ITGB3BP: variants seen among roughly 807,000 people sequenced by gnomAD.
ITGB3BP encodes the protein integrin subunit beta 3 binding protein, also known as centromere protein R.
A neutral mutation model predicts 29.1 loss-of-function variants in ITGB3BP; 27 were observed. The observed-to-expected ratio is 0.93, with a 90% CI of 0.68 to 1.28. ITGB3BP has a LOEUF of 1.28. Ranked by LOEUF, ITGB3BP falls within the 50% of genes most tolerant of loss-of-function variation. ITGB3BP has a pLI of 0.00. For missense variants in ITGB3BP, 192 were observed against 200.2 expected (o/e 0.96, Z 0.25); for synonymous variants, 61 against 61.4 (o/e 0.99, Z 0.03).
At chr1:63,468,633 G>A (rs1026349924) in intron 4 of ITGB3BP, among the ~76,000 whole-genome samples, 8 of 151,182 alleles carry the variant, frequency 5.3e-5, no homozygotes, top group South Asian at 4.2e-4. Flanking sequence ...AGGCCGAGGC[G>A]GGCGGACCAC....
chr1:63,455,690 AC>A (rs1164378341), intron 4 of ITGB3BP, among the ~76,000 whole-genome samples: 1 of 152,156 alleles, frequency 6.6e-6, no homozygotes, highest in Non-Finnish European at 1.5e-5. Flanking sequence ...TATTTAGTAA[AC>A]ATACTAAAAA....
chr1:63,452,750 T>C (rs563760163), intron 7 of ITGB3BP, among the ~76,000 whole-genome samples: 1 of 152,250 alleles, frequency 6.6e-6, no homozygotes, highest in Admixed American at 6.5e-5. Context: ...TCAGGAAGCC[T>C]ATTCAGCTCC....
At chr1:63,528,216 G>A (rs1233023050), upstream of ITGB3BP, among the ~76,000 whole-genome samples, 2 of 152,092 alleles carry the variant, frequency 1.3e-5, no homozygotes, top group African/African-American at 2.4e-5. Flanking sequence ...AAAAAAAGTG[G>A]TACATATACA....
At chr1:63,463,710 T>G (rs1312198880) in intron 4 of ITGB3BP, among the ~76,000 whole-genome samples, 1 of 152,212 alleles carries the variant, frequency 6.6e-6, no homozygotes, top group Non-Finnish European at 1.5e-5. Flanking sequence ...ATATGGAAGT[T>G]CACATAAAAT....
At chr1:63,448,133 A>G (rs1300677210) in intron 7 of ITGB3BP, among the ~76,000 whole-genome samples, 1 of 138,418 alleles carries the variant, frequency 7.2e-6, no homozygotes, top group Admixed American at 7.7e-5. Context: ...GAACAATGAG[A>G]ACACATGGAC....
chr1:63,519,718 T>C (rs987196135), intron 1 of ITGB3BP, among the ~76,000 whole-genome samples: 1 of 152,056 alleles, frequency 6.6e-6, no homozygotes, highest in African/African-American at 2.4e-5. Context: ...CACCTACTTC[T>C]TTATAATCAA....
intron 2 of ITGB3BP, among the ~76,000 whole-genome samples, chr1:63,491,088 TG>T (rs138400196): frequency 0.043 from 6,523 of 152,250 alleles, 180 homozygotes; most frequent in South Asian, 0.091. Context: ...GATCTCAGCT[TG>T]GAACATCCTC....
chr1:63,507,685 T>G (rs1203513380), intron 2 of ITGB3BP, among the ~76,000 whole-genome samples: 1 of 152,198 alleles, frequency 6.6e-6, no homozygotes, highest in Non-Finnish European at 1.5e-5. Context: ...GTTTAAAAAT[T>G]TTTAAAAAGC....
rs542037963 is a variant in ITGB3BP at position 63,483,622 on chromosome 1, C to G, written c.185-4789G>C. ...GGGGGTTCATTATGTTGTTCCTTTT[C>G]AGTCATTCTGAGTTGAATGCTTGAC... On this transcript the variant is annotated intron_variant, in intron 3 of 8. Coordinates refer to ENST00000271002, the MANE Select transcript of ITGB3BP (RefSeq NM_014288.5). 9.2e-5 allele frequency among the ~76,000 whole-genome samples: 14 copies of G among 152,246 alleles called. No individual in the cohort carries two copies. In the South Asian group the frequency reaches 2.3e-3, roughly 25 times the overall value.
chr1:63,445,111 C>T (rs1027726992), intron 8 of ITGB3BP, among the ~76,000 whole-genome samples: 1 of 151,804 alleles, frequency 6.6e-6, no homozygotes, highest in African/African-American at 2.4e-5. Flanking sequence ...ATGGTGAAAC[C>T]CCATGTCTAA....
chr1:63,471,727 G>T (rs1363484136), intron 4 of ITGB3BP, among the ~76,000 whole-genome samples: 1 of 152,136 alleles, frequency 6.6e-6, no homozygotes, highest in Non-Finnish European at 1.5e-5. Flanking sequence ...CTAAATGAAG[G>T]TATCTGTTAA....
chr1:63,461,978 A>T (rs910008257), intron 4 of ITGB3BP, among the ~76,000 whole-genome samples: 1 of 152,228 alleles, frequency 6.6e-6, no homozygotes, highest in Non-Finnish European at 1.5e-5. Flanking sequence ...ATTTAAGGAC[A>T]GGTTTTTCCA....
intron 2 of ITGB3BP, among the ~76,000 whole-genome samples, chr1:63,503,951 C>T (rs1393049674): frequency 3.3e-5 from 5 of 150,232 alleles, no homozygotes; most frequent in Admixed American, 3.3e-4. Context: ...TAGCGTGATG[C>T]CTCTGGCTTT....
chr1:63,503,906 G>A (rs151313014), intron 2 of ITGB3BP, among the ~76,000 whole-genome samples: 2,078 of 150,794 alleles, frequency 0.014, 65 homozygotes, highest in African/African-American at 0.049. Flanking sequence ...TGCTGTTTTG[G>A]TTACTGTAGC....
rs201013712 is a variant in ITGB3BP, at chr1:63,490,138, T to A, written c.129A>T (p.Leu43=). ...SPTTGTCQMS[L]FASPTSSEEQ... Reference sequence around the variant, plus strand: ...CTTCAGAACTTGTGGGAGAAGCAAATAGACTCATTTGACAAGTTCCAGTTG... The same window carrying A: ...CTTCAGAACTTGTGGGAGAAGCAAAAAGACTCATTTGACAAGTTCCAGTTG... Residue 43 remains leucine (L), a synonymous_variant, in exon 3 of 9, where the codon CTA becomes CTT. Transcript: ENST00000271002. 18 of 1,609,586 alleles carry A rather than the reference T, an allele frequency of 1.1e-5. No individual in the cohort carries two copies. The highest frequency in any genetic ancestry group is 1.7e-4 in the Middle Eastern group (1 of 6,044).
intron 2 of ITGB3BP, among the ~76,000 whole-genome samples, chr1:63,493,778 T>G (rs1208680672): frequency 6.6e-6 from 1 of 152,230 alleles, no homozygotes; most frequent in East Asian, 1.9e-4. Context: ...TTTTACTGAT[T>G]TTTTTAAACC....
intron 4 of ITGB3BP, among the ~76,000 whole-genome samples, chr1:63,462,102 G>C (rs1327226832): frequency 2.0e-5 from 3 of 152,144 alleles, no homozygotes; most frequent in Non-Finnish European, 2.9e-5. Flanking sequence ...AAATCTTCTT[G>C]CCCATGAATA....
In ITGB3BP at chr1:63,446,537, C is replaced by T. The variant is rs61531502; in HGVS notation, c.*1+269G>A. The T allele has an allele frequency of 3.9e-3, 1,579 of 410,130 alleles. 21 individuals are homozygous for T. The highest frequency in any genetic ancestry group is 0.029 in the African/African-American group (1,456 of 50,270). 25.4% of individuals were successfully genotyped at this position (410,130 alleles called of 1,614,324 possible). On this transcript the variant is annotated intron_variant, in intron 8 of 8. Coordinates refer to ENST00000271002, the MANE Select transcript of ITGB3BP (RefSeq NM_014288.5). Reference sequence around the variant, plus strand: ...ATGCTTGATTAAGGACCCTTTTACACTCAGTTAAAAATGTGTCCTCTCTGA... The same window carrying T: ...ATGCTTGATTAAGGACCCTTTTACATTCAGTTAAAAATGTGTCCTCTCTGA...
At chr1:63,444,169 CAAAAG>C (rs1242530331) in intron 8 of ITGB3BP, among the ~76,000 whole-genome samples, 2 of 152,028 alleles carry the variant, frequency 1.3e-5, no homozygotes. Context: ...CTCAAAGACT[CAAAAG>C]AACACCCCAA....
Sources: allele counts gnomAD v4.1 joint callset (sites outside exome capture counted in the v4.1 genomes callset), GRCh38; gene constraint gnomAD v4.1.1; transcripts MANE v1.5; gene names NCBI Gene and HGNC (gene_info 2026-07-23, HGNC 2026-07-21).